The following MBOAT2 variants were observed in gnomAD, a reference collection of about 807,000 sequenced individuals.
MBOAT2 encodes membrane-bound glycerophospholipid O-acyltransferase 2.
In MBOAT2, 28 loss-of-function variants were observed where a neutral mutation model predicts 63.4. That is an observed-to-expected ratio of 0.44 (90% CI 0.33 to 0.61). MBOAT2 has a LOEUF of 0.61. Among genes scored for constraint, MBOAT2 ranks in the 20% least tolerant of loss-of-function variants. MBOAT2 has a pLI of 0.03. For synonymous variants in MBOAT2, 211 were observed against 215.6 expected, an observed-to-expected ratio of 0.98 and a Z score of 0.19; for missense variants, 470 against 605.8, an observed-to-expected ratio of 0.78 and a Z score of 2.35.
At chr2:8,859,572 T>C (rs1268807979) in intron 12 of MBOAT2, among the ~76,000 whole-genome samples, 3 of 152,244 alleles carry the variant, frequency 2.0e-5, no homozygotes, top group Non-Finnish European at 1.5e-5. Context: ...CTAATTTTGT[T>C]AAAATGGAAA....
Position 8,864,238 on chromosome 2 carries a change from A to C in MBOAT2, c.988-4T>G, listed in dbSNP as rs1444111153. On this transcript the variant is annotated splice_region_variant and splice_polypyrimidine_tract_variant and intron_variant, in intron 9 of 12. Coordinates refer to ENST00000305997, the MANE Select transcript of MBOAT2 (RefSeq NM_138799.4). ...ACATCTTGAAACTTGTTGACATCTG[A>C]AAAAAAAGGAAACTTTTTTCTTTGT... The C allele has an allele frequency of 6.5e-7, 1 of 1,535,508 alleles. No individual in the cohort carries two copies. The highest frequency in any genetic ancestry group is 8.8e-7 in the Non-Finnish European group (1 of 1,141,218).
intron 3 of MBOAT2, among the ~76,000 whole-genome samples, chr2:8,914,724 G>A (rs1666025954): frequency 6.6e-6 from 1 of 152,050 alleles, no homozygotes; most frequent in African/African-American, 2.4e-5. Flanking sequence ...CTGAGCTCTT[G>A]AAATGTGGCT....
intron 12 of MBOAT2, 69 bp downstream of exon 12, chr2:8,860,544 C>T: frequency 6.7e-7 from 1 of 1,483,460 alleles, no homozygotes; most frequent in Non-Finnish European, 9.3e-7. Context: ...CTATTCTATC[C>T]AATAGCAAGA....
intron 3 of MBOAT2, among the ~76,000 whole-genome samples, chr2:8,915,757 TAGA>T (rs1159069508): frequency 6.6e-6 from 1 of 152,194 alleles, no homozygotes; most frequent in Non-Finnish European, 1.5e-5. Context: ...TGTCTTCAAA[TAGA>T]AGAATATACA....
At position 8,877,192 on chromosome 2, in the gene MBOAT2, C is replaced by G. The variant is rs375049894; in HGVS notation, c.528G>C (p.Glu176Asp). The stretch of plus-strand genomic sequence containing the variant: ...TGAAGTTACAGTTGTAACTCAAATA[C>G]TCCAGTAAGCTTGGCATGCGCCTGC... ...LAVRRMPSLLEYLSYNCNFMG... is the reference protein window; with the variant it reads ...LAVRRMPSLLDYLSYNCNFMG... Residue 176 changes from glutamate to aspartate, a missense_variant, in exon 7 of 13, where the codon GAG becomes GAC. Around this residue, in one of 3 missense-constraint regions of MBOAT2, gnomAD observed 376 missense variants for 503.8 expected, o/e 0.75. Coordinates refer to ENST00000305997, the MANE Select transcript of MBOAT2 (RefSeq NM_138799.4). 1.2e-6 allele frequency: 2 copies of G among 1,611,892 alleles called. No homozygotes were observed.
At chr2:8,927,870 T>C (rs1483893446) in intron 3 of MBOAT2, among the ~76,000 whole-genome samples, 2 of 152,168 alleles carry the variant, frequency 1.3e-5, no homozygotes, top group Non-Finnish European at 2.9e-5. Flanking sequence ...GAAATATCTC[T>C]GAGTAATTTA....
intron 3 of MBOAT2, among the ~76,000 whole-genome samples, chr2:8,918,665 G>C (rs1049419028): frequency 6.6e-6 from 1 of 152,212 alleles, no homozygotes; most frequent in African/African-American, 2.4e-5. Flanking sequence ...CTGAATTATA[G>C]TTCCTATCAG....
chr2:8,962,964 C>T (rs941072413), intron 1 of MBOAT2, among the ~76,000 whole-genome samples: 2 of 152,016 alleles, frequency 1.3e-5, no homozygotes, highest in East Asian at 1.9e-4. Flanking sequence ...AGATCAGGGC[C>T]GAGCGAGGTG....
chr2:8,955,246 G>GA (rs1669131358), intron 2 of MBOAT2, among the ~76,000 whole-genome samples: 1 of 152,224 alleles, frequency 6.6e-6, no homozygotes, highest in African/African-American at 2.4e-5. Context: ...AGGTCTGGGA[G>GA]AATGTCTGCA....
At chr2:9,000,266 T>C (rs1672591438) in intron 1 of MBOAT2, among the ~76,000 whole-genome samples, 1 of 152,244 alleles carries the variant, frequency 6.6e-6, no homozygotes, top group South Asian at 2.1e-4. Flanking sequence ...CTTTTTCCTG[T>C]TGAATCACAC....
chr2:8,964,364 T>A (rs56174518), intron 1 of MBOAT2, among the ~76,000 whole-genome samples: 1 of 152,050 alleles, frequency 6.6e-6, no homozygotes, highest in African/African-American at 2.4e-5. Flanking sequence ...TCTATGTTGA[T>A]ACACATGGCT....
chr2:8,984,729 T>C (rs1671438590), intron 1 of MBOAT2, among the ~76,000 whole-genome samples: 1 of 152,190 alleles, frequency 6.6e-6, no homozygotes. Context: ...AAATTCTCTT[T>C]TCTGAATAAT....
chr2:8,974,490 A>G (rs1291342744), intron 1 of MBOAT2: 1 of 453,740 alleles, frequency 2.2e-6, no homozygotes, highest in Non-Finnish European at 4.4e-6. Flanking sequence ...CCAGGCCTTG[A>G]TGAGGTTGCT....
At chr2:8,978,837 A>T (rs557969131) in intron 1 of MBOAT2, among the ~76,000 whole-genome samples, 15 of 147,462 alleles carry the variant, frequency 1.0e-4, no homozygotes, top group African/African-American at 3.7e-4. Context: ...AATAAAAATT[A>T]AAAAAGCACC....
chr2:8,939,898 T>G (rs1465657566), intron 3 of MBOAT2, among the ~76,000 whole-genome samples: 1 of 152,192 alleles, frequency 6.6e-6, no homozygotes, highest in East Asian at 1.9e-4. Flanking sequence ...ACAGCAATAG[T>G]TTTTCGTTTC....
intron 1 of MBOAT2, among the ~76,000 whole-genome samples, chr2:8,981,813 T>C (rs1265880535): frequency 9.2e-5 from 14 of 152,242 alleles, no homozygotes; most frequent in Admixed American, 2.6e-4. Flanking sequence ...TGTCCTAATA[T>C]GTTATTTCAT....
chr2:8,935,091 C>A (rs1459424883), intron 3 of MBOAT2, among the ~76,000 whole-genome samples: 2 of 152,176 alleles, frequency 1.3e-5, no homozygotes, highest in African/African-American at 4.8e-5. Context: ...CCAGCCCCGA[C>A]TCCACCCCAC....
chr2:8,859,350 G>C (rs1167444155), intron 12 of MBOAT2, among the ~76,000 whole-genome samples: 1 of 152,168 alleles, frequency 6.6e-6, no homozygotes, highest in Admixed American at 6.5e-5. Flanking sequence ...TAACGGAGGG[G>C]AGTGACAGAG....
intron 2 of MBOAT2, among the ~76,000 whole-genome samples, chr2:8,952,445 A>G (rs1467357470): frequency 6.6e-6 from 1 of 152,196 alleles, no homozygotes; most frequent in Non-Finnish European, 1.5e-5. Context: ...CACCTAGTCA[A>G]GTGATGACTA....
Sources: allele counts gnomAD v4.1 joint callset (sites outside exome capture counted in the v4.1 genomes callset), GRCh38; gene constraint gnomAD v4.1.1; regional missense constraint gnomAD v4.1.1; transcripts MANE v1.5; gene names NCBI Gene and HGNC (gene_info 2026-07-23, HGNC 2026-07-21).